TRPM4: variants seen among roughly 807,000 people sequenced by gnomAD.
The protein encoded by TRPM4 is transient receptor potential cation channel subfamily M member 4.
Under a neutral mutation model 135.6 loss-of-function variants are expected in TRPM4, and 124 were observed. The ratio of observed to expected loss-of-function variants is 0.91; its 90% CI spans 0.79 to 1.06. The LOEUF (loss-of-function observed/expected upper bound fraction) is 1.06. Ranked by LOEUF, TRPM4 falls within the 50% of genes least tolerant of loss-of-function variation. TRPM4 has a pLI of 0.00. For missense variants in TRPM4, 1,658 were observed against 1,671.4 expected (o/e 0.99, Z 0.14); for synonymous variants, 745 against 705.6 (o/e 1.06, Z -0.88).
At chr19:49,197,256 C>T (rs574848124) in intron 17 of TRPM4, among the ~76,000 whole-genome samples, 1 of 151,936 alleles carries the variant, frequency 6.6e-6, no homozygotes, top group South Asian at 2.1e-4. Flanking sequence ...CTCCTGCCCC[C>T]GACTTTTTCT....
intron 2 of TRPM4, among the ~76,000 whole-genome samples, chr19:49,163,541 A>G (rs1430266294): frequency 6.6e-6 from 1 of 151,212 alleles, no homozygotes; most frequent in Non-Finnish European, 1.5e-5. Flanking sequence ...GCCTAGCCTG[A>G]ACTGCAGTGG....
In TRPM4 at chr19:49,168,043, A is replaced by T; in HGVS notation, c.394A>T (p.Thr132Ser). 1 of 1,612,426 alleles carries T rather than the reference A, an allele frequency of 6.2e-7. No homozygotes were observed. Among genetic ancestry groups the T allele is most frequent in the Non-Finnish European group, 8.5e-7 (1 of 1,179,820 alleles). ...LGGSGGPVLQ[T>S]WLQDLLRRGL... ...GGGATCGGGGGGCCCCGTCCTCCAG[A>T]CCTGGCTGCAGGACCTGCTGCGTCG... Residue 132 changes from threonine to serine, a missense_variant, in exon 4 of 25, where the codon ACC (threonine) becomes TCC (serine). Physicochemically the swap from Thr to Ser is moderately conservative, Grantham distance 58. This residue lies in a region of TRPM4 where 239 missense variants were observed against 240.1 expected (regional missense o/e 1.00). Transcript: ENST00000252826.
chr19:49,211,585 G>T lies in TRPM4; in HGVS notation c.*87G>T. The T allele has an allele frequency of 6.4e-7, 1 of 1,566,904 alleles. No individual in the cohort carries two copies. On this transcript the variant is annotated 3_prime_UTR_variant, in exon 25 of 25. Transcript: ENST00000252826. This position sits in a 1 kb window ranked among gnomAD's most constrained non-coding sequence, Gnocchi z 4.8. ...CATCTGGGCCTCGGCCCCCGCACCT[G>T]GTGGCCTTGTCCTTGAGGTGAGCCC...
chr19:49,201,568 T>C (rs958173468), intron 19 of TRPM4, among the ~76,000 whole-genome samples: 6 of 152,218 alleles, frequency 3.9e-5, no homozygotes, highest in African/African-American at 1.4e-4. Flanking sequence ...TTATTGTTAA[T>C]TAGATGGGGA....
chr19:49,181,680 C>T (rs1463399282), intron 10 of TRPM4, among the ~76,000 whole-genome samples: 3 of 151,756 alleles, frequency 2.0e-5, no homozygotes, highest in South Asian at 4.2e-4. Context: ...TACAGGCGCC[C>T]GCCACCACAC....
rs748724830 is a variant in TRPM4 at position 49,210,293 on chromosome 19, G to T, written c.3216G>T (p.Arg1072=). ...RYRLIREFHS[R]PALAPPFIVI... is the part of the protein sequence containing the mutation. ...GCCTCATCCGGGAATTCCACTCTCGGCCCGCGCTGGCCCCGCCCTTTATCG... is the reference window on the plus strand; with the variant it reads ...GCCTCATCCGGGAATTCCACTCTCGTCCCGCGCTGGCCCCGCCCTTTATCG... The change falls in exon 21 of 25, where the codon CGG becomes CGT. Residue 1072 remains arginine, a synonymous_variant. Transcript: ENST00000252826. The surrounding 1 kb of genome is among the most constrained non-coding windows in gnomAD (Gnocchi z 4.1). The T allele has an allele frequency of 1.2e-6, 2 of 1,614,220 alleles. No homozygotes were observed. Among genetic ancestry groups the T allele is most frequent in the South Asian group, 2.2e-5 (2 of 91,088 alleles).
intron 20 of TRPM4, among the ~76,000 whole-genome samples, chr19:49,205,138 T>C (rs1969101543): frequency 6.6e-6 from 1 of 152,058 alleles, no homozygotes; most frequent in South Asian, 2.1e-4. Context: ...ATTAGTTTCC[T>C]AGGGCCGCCA....
rs772271815 is a variant in TRPM4 at position 49,182,726 on chromosome 19, C to T, written c.1412C>T (p.Ser471Leu). 5.0e-6 allele frequency: 8 copies of T among 1,614,016 alleles called. No homozygotes were observed. Among genetic ancestry groups the T allele is most frequent in the African/African-American group, 4.0e-5 (3 of 74,952 alleles). The change falls in exon 11 of 25, where the codon TCG becomes TTG. Residue 471 changes from serine (S) to leucine (L), a missense_variant. By Grantham distance (145) the Ser-to-Leu change is moderately radical. Around this residue, in one of 3 missense-constraint regions of TRPM4, gnomAD observed 1,412 missense variants for 1,408.7 expected, o/e 1.00. Coordinates refer to ENST00000252826, the MANE Select transcript of TRPM4 (RefSeq NM_017636.4). ...AQLYSAAPSN[S>L]LIRNLLDQAS... Reference sequence around the variant, plus strand: ...CTCTACAGCGCGGCGCCCTCCAACTCGCTCATCCGCAACCTTTTGGACCAG... The same window carrying T: ...CTCTACAGCGCGGCGCCCTCCAACTTGCTCATCCGCAACCTTTTGGACCAG...
At chr19:49,181,268 G>T (rs967073988) in intron 9 of TRPM4, 81 bp from the exon 10 acceptor site, 3 of 1,068,038 alleles carry the variant, frequency 2.8e-6, no homozygotes, top group Non-Finnish European at 4.4e-6. Context: ...AGTCAGACAT[G>T]CAAAATAGAG....
chr19:49,166,572 C>G (rs1967191431), intron 3 of TRPM4, among the ~76,000 whole-genome samples: 2 of 111,376 alleles, frequency 1.8e-5, no homozygotes, highest in Non-Finnish European at 3.8e-5. Context: ...CTCTGTCCCC[C>G]TCTCTCTCTG....
chr19:49,188,962 C>G lies in TRPM4; in HGVS notation c.1890C>G (p.Cys630Trp). 6.2e-7 allele frequency: 1 copy of G among 1,614,130 alleles called. No individual in the cohort carries two copies. Among genetic ancestry groups the G allele is most frequent in the South Asian group, 1.1e-5 (1 of 91,086 alleles). The change falls in exon 14 of 25, where the codon TGC becomes TGG. Residue 630 changes from cysteine (C) to tryptophan (W), a missense_variant. Physicochemically the swap from Cys to Trp is radical, Grantham distance 215. Around this residue, in one of 3 missense-constraint regions of TRPM4, gnomAD observed 1,412 missense variants for 1,408.7 expected, o/e 1.00. Coordinates refer to ENST00000252826, the MANE Select transcript of TRPM4 (RefSeq NM_017636.4). The part of the protein sequence containing the change: ...EGMGVDLFGE[C>W]YRSSEVRAAR... ...CTGCCCCAGACCTCTTTGGCGAGTG[C>G]TATCGCAGCAGTGAGGTGAGGGCTG...
intron 20 of TRPM4, among the ~76,000 whole-genome samples, chr19:49,205,816 G>A (rs907114500): frequency 2.6e-5 from 4 of 152,034 alleles, no homozygotes; most frequent in South Asian, 2.1e-4. Context: ...GATTACAGCC[G>A]TGAGCCACTG....
chr19:49,195,989 T>C (rs1968618313), intron 16 of TRPM4, among the ~76,000 whole-genome samples: 1 of 151,612 alleles, frequency 6.6e-6, no homozygotes, highest in Non-Finnish European at 1.5e-5. Context: ...CTCCCGAGTA[T>C]GTGGGACTAC....
At chr19:49,194,132 CCTT>C (rs1218686249) in intron 16 of TRPM4, among the ~76,000 whole-genome samples, 1 of 150,666 alleles carries the variant, frequency 6.6e-6, no homozygotes, top group Admixed American at 6.6e-5. Flanking sequence ...TCTTCATCCT[CCTT>C]CTCCTCTTCC....
intron 9 of TRPM4, among the ~76,000 whole-genome samples, chr19:49,175,460 C>T (rs1311838671): frequency 1.3e-5 from 2 of 151,954 alleles, no homozygotes; most frequent in Non-Finnish European, 2.9e-5. Flanking sequence ...CTGCCCATCT[C>T]GGCCTCCCAA....
chr19:49,165,893 G>C (rs1380628960), intron 2 of TRPM4, 148 bp from the exon 3 acceptor site: 2 of 810,008 alleles, frequency 2.5e-6, no homozygotes, highest in East Asian at 2.7e-5. Flanking sequence ...GGCCGTCAGA[G>C]CCAGGGCCAG....
At chr19:49,196,078 C>T (rs1320719059) in intron 16 of TRPM4, among the ~76,000 whole-genome samples, 1 of 151,934 alleles carries the variant, frequency 6.6e-6, no homozygotes. Context: ...AGGCTGGTCT[C>T]GAACTCCCTA....
chr19:49,178,737 G>GTTT (rs1967795849), intron 9 of TRPM4, among the ~76,000 whole-genome samples: 1 of 118,746 alleles, frequency 8.4e-6, no homozygotes, highest in African/African-American at 3.2e-5. Context: ...ATAAAGCAAG[G>GTTT]TATTATTATT....
intron 20 of TRPM4, among the ~76,000 whole-genome samples, chr19:49,202,880 T>A (rs1968988356): frequency 7.4e-6 from 1 of 134,518 alleles, no homozygotes; most frequent in Admixed American, 7.3e-5. Flanking sequence ...CATTTTTACT[T>A]CTTTTTTTTT....
Sources: gnomAD v4.1 joint callset for allele counts (sites outside exome capture counted in the v4.1 genomes callset) on GRCh38, gnomAD v4.1.1 for gene constraint, gnomAD v4.1.1 regional missense constraint, Gnocchi (gnomAD v3.1) non-coding constraint, MANE v1.5 for transcripts, NCBI Gene and HGNC (gene_info 2026-07-23, HGNC 2026-07-21) for gene names.